The following KCNIP1 variants were observed in gnomAD, a reference collection of about 807,000 sequenced individuals.
KCNIP1 encodes the protein potassium voltage-gated channel interacting protein 1, also known as A-type potassium channel modulatory protein KCNIP1.
A neutral mutation model predicts 33.0 loss-of-function variants in KCNIP1; 18 were observed. The ratio of observed to expected loss-of-function variants is 0.55; its 90% CI spans 0.38 to 0.81. The LOEUF (loss-of-function observed/expected upper bound fraction) is 0.81. KCNIP1 is among the 30% of genes least tolerant of loss of function. The pLI is 0.00. For synonymous variants in KCNIP1, 93 were observed against 98.3 expected (o/e 0.95, Z 0.32); for missense variants, 238 against 271.6 (o/e 0.88, Z 0.87).
At chr5:170,357,157 C>T (rs763078282) in intron 1 of KCNIP1, among the ~76,000 whole-genome samples, 12 of 151,944 alleles carry the variant, frequency 7.9e-5, no homozygotes, top group Non-Finnish European at 1.5e-4. Context: ...TTTCAAACCA[C>T]GAATGCAGTG....
In KCNIP1 at chr5:170,622,578, C is replaced by T. The variant is rs182751304; in HGVS notation, c.62-96180C>T. On this transcript the variant is annotated intron_variant, in intron 1 of 7. Transcript: ENST00000328939. ...CAGAGGTTGCAGTGAGCCGAGATCG[C>T]GCCACTGCACTCCAGCCTAGGTGAC... Among the ~76,000 whole-genome samples, 51 of 149,918 alleles carry T rather than the reference C, an allele frequency of 3.4e-4. No homozygotes were observed. The East Asian group carries it at 8.3e-3, about 24-fold the overall frequency.
At chr5:170,379,035 G>T (rs1315977441) in intron 1 of KCNIP1, 6 of 1,560,000 alleles carry the variant, frequency 3.8e-6, no homozygotes, top group Non-Finnish European at 5.2e-6. Context: ...CCAAGGGCTT[G>T]ATATGGAGTA....
At chr5:170,531,994 G>A (rs1011399467) in intron 1 of KCNIP1, among the ~76,000 whole-genome samples, 1 of 152,196 alleles carries the variant, frequency 6.6e-6, no homozygotes, top group Non-Finnish European at 1.5e-5. Context: ...CCACACCTTT[G>A]CGTAGGCAGC....
chr5:170,538,060 C>G (rs1296275066), intron 1 of KCNIP1, among the ~76,000 whole-genome samples: 3 of 152,184 alleles, frequency 2.0e-5, no homozygotes, highest in African/African-American at 7.2e-5. Context: ...TTCAGAGAGC[C>G]CTGGGAGGAA....
At chr5:170,377,525 C>T (rs991003119) in intron 1 of KCNIP1, 3 of 152,114 alleles carry the variant, frequency 2.0e-5, no homozygotes, top group Non-Finnish European at 4.4e-5. Flanking sequence ...AATAACAAAT[C>T]CTCCTCTATA....
At chr5:170,576,265 T>C (rs2113502940) in intron 1 of KCNIP1, among the ~76,000 whole-genome samples, 1 of 152,282 alleles carries the variant, frequency 6.6e-6, no homozygotes, top group Non-Finnish European at 1.5e-5. Context: ...GGCCTCACAG[T>C]GTATGGTAAC....
chr5:170,470,823 G>A (rs971731824), intron 1 of KCNIP1, among the ~76,000 whole-genome samples: 8 of 152,172 alleles, frequency 5.3e-5, no homozygotes, highest in Admixed American at 2.6e-4. Flanking sequence ...GCTCTTGCCC[G>A]TGGGCATGAT....
At chr5:170,721,698 AC>A in intron 3 of KCNIP1, 134 bp from the exon 4 acceptor site, 1 of 1,595,718 alleles carries the variant, frequency 6.3e-7, no homozygotes, top group South Asian at 1.1e-5. Context: ...AATGGGCCCC[AC>A]TCCATAATTT....
At chr5:170,561,446 C>T (rs1189881620) in intron 1 of KCNIP1, among the ~76,000 whole-genome samples, 1 of 152,180 alleles carries the variant, frequency 6.6e-6, no homozygotes, top group East Asian at 1.9e-4. Flanking sequence ...GCCAGGCCAC[C>T]ACCAAAGGCA....
At chr5:170,544,208 T>C (rs1756322982) in intron 1 of KCNIP1, among the ~76,000 whole-genome samples, 1 of 151,828 alleles carries the variant, frequency 6.6e-6, no homozygotes, top group Non-Finnish European at 1.5e-5. Flanking sequence ...AGGTCAGGAG[T>C]TCTAGACCAG....
At chr5:170,702,022 A>G (rs1227947486) in intron 1 of KCNIP1, among the ~76,000 whole-genome samples, 1 of 152,216 alleles carries the variant, frequency 6.6e-6, no homozygotes, top group East Asian at 1.9e-4. Context: ...TATTCATGTA[A>G]CCAAACACCA....
At chr5:170,472,906 CTT>C (rs1263328305) in intron 1 of KCNIP1, among the ~76,000 whole-genome samples, 3 of 152,168 alleles carry the variant, frequency 2.0e-5, no homozygotes, top group African/African-American at 7.2e-5. Flanking sequence ...GTGCAAGTAT[CTT>C]TTTCATATAA....
chr5:170,653,761 G>A (rs1192962477), intron 1 of KCNIP1, among the ~76,000 whole-genome samples: 2 of 151,768 alleles, frequency 1.3e-5, no homozygotes, highest in Non-Finnish European at 2.9e-5. Context: ...ATGGCAGAAT[G>A]TGGCCACCAG....
At chr5:170,541,920 G>A (rs1756225184) in intron 1 of KCNIP1, among the ~76,000 whole-genome samples, 2 of 151,862 alleles carry the variant, frequency 1.3e-5, no homozygotes, top group South Asian at 4.2e-4. Flanking sequence ...ATAATGCCTG[G>A]CACATTTTAG....
rs1581471733 is a variant in KCNIP1 at position 170,667,311 on chromosome 5, T to TA, written c.62-51447_62-51446insA. ...TGAGCAACAAGAGTGAAACTCCGTC[T>TA]CAAAAAAAAAAAAAAGTAAAAACTG... is the stretch of plus-strand genomic sequence containing the variant. On this transcript the variant is annotated intron_variant, in intron 1 of 7. Coordinates refer to ENST00000328939, the MANE Select transcript of KCNIP1 (RefSeq NM_014592.4). Among the ~76,000 whole-genome samples, 132 of 94,134 alleles carry TA rather than the reference T, an allele frequency of 1.4e-3. 1 individual carries two copies. In the East Asian group the frequency reaches 0.034, roughly 25 times the overall value. The allele number at this position is 94,134 out of a possible 152,430, so 61.8% of individuals were successfully genotyped here.
intron 1 of KCNIP1, among the ~76,000 whole-genome samples, chr5:170,492,316 A>G (rs998153317): frequency 1.3e-5 from 2 of 152,270 alleles, no homozygotes; most frequent in Non-Finnish European, 2.9e-5. Flanking sequence ...ACTCAGAAAC[A>G]GCCAAATGAA....
chr5:170,550,621 G>T (rs1397234855), intron 1 of KCNIP1, among the ~76,000 whole-genome samples: 1 of 151,436 alleles, frequency 6.6e-6, no homozygotes, highest in Non-Finnish European at 1.5e-5. Context: ...GACAATGATG[G>T]TGATGATGAT....
At chr5:170,427,030 A>G (rs1755630558) in intron 1 of KCNIP1, among the ~76,000 whole-genome samples, 1 of 152,246 alleles carries the variant, frequency 6.6e-6, no homozygotes, top group South Asian at 2.1e-4. Flanking sequence ...AGGGCAAGAC[A>G]GACCTTTTCT....
chr5:170,634,966 CT>C (rs1760226193), intron 1 of KCNIP1, among the ~76,000 whole-genome samples: 1 of 152,228 alleles, frequency 6.6e-6, no homozygotes, highest in African/African-American at 2.4e-5. Flanking sequence ...AGCCAGGTCA[CT>C]TCACCTCTCT....
Sources: gnomAD v4.1 joint callset for allele counts (sites outside exome capture counted in the v4.1 genomes callset) on GRCh38, gnomAD v4.1.1 for gene constraint, MANE v1.5 for transcripts, NCBI Gene and HGNC (gene_info 2026-07-23, HGNC 2026-07-21) for gene names.